Variants in DMD observed in about 807,000 individuals in gnomAD.
DMD encodes the protein dystrophin.
DMD carries 63 observed loss-of-function variants against 330.1 expected under a neutral mutation model. That is an observed-to-expected ratio of 0.19 (90% CI 0.16 to 0.24). The LOEUF is 0.24. DMD is among the 10% of genes least tolerant of loss of function. The pLI, the probability that DMD is intolerant of heterozygous loss-of-function variation, is 1.00. For synonymous variants in DMD, 1,223 were observed against 959.8 expected, an observed-to-expected ratio of 1.27 and a Z score of -5.07; for missense variants, 3,344 against 2,684.1, an observed-to-expected ratio of 1.25 and a Z score of -5.43.
At chrX:32,674,272 T>G (rs2061824136) in intron 9 of DMD, among the ~76,000 whole-genome samples, 1 of 111,767 alleles carries the variant, frequency 8.9e-6, no homozygotes, top group Non-Finnish European at 1.9e-5. Context: ...CATAGTCCAC[T>G]GGATGGATCA....
intron 17 of DMD, among the ~76,000 whole-genome samples, chrX:32,534,282 T>C (rs1019589606): frequency 9.0e-6 from 1 of 111,713 alleles, no homozygotes; most frequent in African/African-American, 3.3e-5. Flanking sequence ...CCAAATCTTA[T>C]GCTGAATTGT....
In DMD at chrX:33,071,814, C is replaced by CT. The variant is rs201499132; in HGVS notation, c.32-51615dup. Among the ~76,000 whole-genome samples the CT allele has an allele frequency of 9.5e-3, 1,068 of 112,111 alleles. 9 individuals are homozygous for CT. The highest frequency in any genetic ancestry group is 0.033 in the African/African-American group (1,031 of 30,903). On this transcript the variant is annotated intron_variant, in intron 1 of 78. Transcript: ENST00000357033. ...GATAAAGAGTTGCCATAGACACACT[C>CT]TTTTGCATCTTACCCGGTACAGTCA...
chrX:31,801,506 T>A (rs1459643085), intron 50 of DMD, among the ~76,000 whole-genome samples: 1 of 110,179 alleles, frequency 9.1e-6, no homozygotes, highest in African/African-American at 3.3e-5. Context: ...TAATGTACAT[T>A]ATGGTTACTA....
At chrX:32,328,960 C>T (rs1042820976) in intron 41 of DMD, among the ~76,000 whole-genome samples, 2 of 111,405 alleles carry the variant, frequency 1.8e-5, no homozygotes, top group African/African-American at 6.5e-5. Context: ...TAGGATACCA[C>T]TGACATAAAA....
chrX:31,462,848 T>C (rs1160456445), intron 59 of DMD, among the ~76,000 whole-genome samples: 1 of 109,944 alleles, frequency 9.1e-6, no homozygotes, highest in East Asian at 2.8e-4. Context: ...AAATTTGAAA[T>C]AGCAAGGGTC....
intron 19 of DMD, among the ~76,000 whole-genome samples, chrX:32,498,368 C>G (rs2043708554): frequency 9.0e-6 from 1 of 111,103 alleles, no homozygotes; most frequent in Non-Finnish European, 1.9e-5. Context: ...AGAGATAAAT[C>G]AGTTAAAAAT....
chrX:32,013,418 G>T (rs116241198), intron 44 of DMD, among the ~76,000 whole-genome samples: 1 of 110,823 alleles, frequency 9.0e-6, no homozygotes, highest in African/African-American at 3.3e-5. Flanking sequence ...AATGCAAATC[G>T]TACTTCAACT....
intron 50 of DMD, among the ~76,000 whole-genome samples, chrX:31,807,397 T>C (rs1385846754): frequency 1.8e-5 from 2 of 111,486 alleles, no homozygotes; most frequent in Admixed American, 9.6e-5. Flanking sequence ...CTTTTTGTAA[T>C]TCTGCTGCTG....
At chrX:32,365,789 T>C (rs73462091) in intron 34 of DMD, among the ~76,000 whole-genome samples, 2 of 112,029 alleles carry the variant, frequency 1.8e-5, no homozygotes, top group East Asian at 5.6e-4. Context: ...ATATGTTAAT[T>C]AACAAGATCT....
At chrX:31,788,577 C>T (rs2149302957) in intron 50 of DMD, among the ~76,000 whole-genome samples, 1 of 111,310 alleles carries the variant, frequency 9.0e-6, no homozygotes, top group African/African-American at 3.3e-5. Context: ...CTGTATATGT[C>T]TGCTAGGTCT....
At chrX:31,313,813 C>CTT (rs112090679) in intron 62 of DMD, among the ~76,000 whole-genome samples, 55 of 97,560 alleles carry the variant, frequency 5.6e-4, no homozygotes, top group African/African-American at 2.1e-3. Flanking sequence ...CTGTTTCTTC[C>CTT]TTTTTTTTTT....
chrX:32,552,377 G>A (rs185712575), intron 16 of DMD, among the ~76,000 whole-genome samples: 1 of 110,444 alleles, frequency 9.1e-6, no homozygotes, highest in Non-Finnish European at 1.9e-5. Flanking sequence ...GAAAAGGACT[G>A]CCTATTCATT....
At chrX:32,588,724 G>A (rs1056751431) in intron 13 of DMD, among the ~76,000 whole-genome samples, 1 of 111,558 alleles carries the variant, frequency 9.0e-6, no homozygotes, top group African/African-American at 3.3e-5. Flanking sequence ...CCTATACCTT[G>A]AGAAATGTTG....
chrX:32,817,765 CATATTT>C (rs2077885355), intron 5 of DMD, among the ~76,000 whole-genome samples: 1 of 111,811 alleles, frequency 8.9e-6, no homozygotes, highest in African/African-American at 3.2e-5. Context: ...GGGGTAAATG[CATATTT>C]TAACATCTCC....
At chrX:33,089,703 C>CTAAGCA (rs1301796634) in intron 1 of DMD, among the ~76,000 whole-genome samples, 1 of 111,297 alleles carries the variant, frequency 9.0e-6, no homozygotes, top group African/African-American at 3.3e-5. Flanking sequence ...TCTTGTTGAC[C>CTAAGCA]TAAGCATATT....
chrX:32,765,205 G>C (rs1207387307), intron 7 of DMD, among the ~76,000 whole-genome samples: 1 of 110,678 alleles, frequency 9.0e-6, no homozygotes, highest in East Asian at 2.9e-4. Context: ...ATCTCATGTT[G>C]AATTGTAATC....
chrX:31,432,034 C>T (rs952810211), intron 60 of DMD, among the ~76,000 whole-genome samples: 15 of 110,603 alleles, frequency 1.4e-4, no homozygotes, highest in Admixed American at 9.6e-5. Context: ...AGGCTGGTCT[C>T]GAACGCCTGA....
chrX:32,421,481 C>A (rs2098189468), intron 29 of DMD, among the ~76,000 whole-genome samples: 1 of 111,297 alleles, frequency 9.0e-6, no homozygotes, highest in East Asian at 2.8e-4. Flanking sequence ...CTGTATAGTG[C>A]TTTAGGAGTA....
chrX:31,628,810 A>C (rs2148430127), intron 54 of DMD, among the ~76,000 whole-genome samples: 1 of 109,090 alleles, frequency 9.2e-6, no homozygotes, highest in South Asian at 4.0e-4. Context: ...CAAAAACATT[A>C]GTTCCTTCTA....
Sources: gnomAD v4.1 joint callset for allele counts (sites outside exome capture counted in the v4.1 genomes callset) on GRCh38, gnomAD v4.1.1 for gene constraint, MANE v1.5 for transcripts, NCBI Gene and HGNC (gene_info 2026-07-23, HGNC 2026-07-21) for gene names.